OR5H1: variants seen among roughly 807,000 people sequenced by gnomAD.
OR5H1 encodes olfactory receptor family 5 subfamily H member 1.
For synonymous variants in OR5H1, 124 were observed against 134.4 expected, an observed-to-expected ratio of 0.92 and a Z score of 0.54; for missense variants, 378 against 366.8, an observed-to-expected ratio of 1.03 and a Z score of -0.25.
chr3:98,134,094 T>C lies in OR5H1; in HGVS notation c.*455T>C, dbSNP rs187691527. 283 of 158,808 alleles carry C rather than the reference T, an allele frequency of 1.8e-3. No homozygotes were observed. Among genetic ancestry groups the C allele is most frequent in the African/African-American group, 6.5e-3 (272 of 41,574 alleles). The allele number at this position is 158,808 out of a possible 1,614,324, so 9.8% of individuals were successfully genotyped here. Reference sequence around the variant, plus strand: ...ACCATCAAGGTCTTCCATTTCATTATATTAGGAAAGGGTGAATTCTGTTTC... The same window carrying C: ...ACCATCAAGGTCTTCCATTTCATTACATTAGGAAAGGGTGAATTCTGTTTC... On this transcript the variant is annotated 3_prime_UTR_variant, in exon 2 of 2. Coordinates refer to ENST00000641874, the MANE Select transcript of OR5H1 (RefSeq NM_001005338.2).
In OR5H1 at chr3:98,133,557, C is replaced by A. The variant is rs562175052; in HGVS notation, c.860C>A (p.Pro287His). The A allele has an allele frequency of 6.2e-7, 1 of 1,613,092 alleles. No homozygotes were observed. The highest frequency in any genetic ancestry group is 1.3e-5 in the African/African-American group (1 of 74,970). The change falls in exon 2 of 2, where the codon CCT becomes CAT. Residue 287 changes from proline to histidine, a missense_variant. Physicochemically the swap from Pro to His is moderately conservative, Grantham distance 77. Transcript: ENST00000641874. ...ACTGTCATCATTCCTTTGTTAAATCCTATCATCTACAGTCTGAGAAATAAG... is the reference window on the plus strand; with the variant it reads ...ACTGTCATCATTCCTTTGTTAAATCATATCATCTACAGTCTGAGAAATAAG... The part of the protein sequence containing the change: ...FYTVIIPLLN[P>H]IIYSLRNKQV...
rs75688383 is a variant in OR5H1 at position 98,133,052 on chromosome 3, G to A, written c.355G>A (p.Ala119Thr). ...TTECFLLATM[A>T]YDRYVAICKP... ...GGAATGTTTTCTCTTGGCAACGATG[G>A]CATATGATCGCTATGTAGCCATATG... The change falls in exon 2 of 2, where the codon GCA (alanine) becomes ACA (threonine). Residue 119 changes from alanine to threonine, a missense_variant. Coordinates refer to ENST00000641874, the MANE Select transcript of OR5H1 (RefSeq NM_001005338.2). 3.9e-3 allele frequency: 6,326 copies of A among 1,612,422 alleles called. 150 individuals carry two copies. In the African/African-American group the frequency reaches 0.057, roughly 15 times the overall value.
In OR5H1 at chr3:98,135,638, T is replaced by G. The variant is rs1438374228; in HGVS notation, c.*1999T>G. On this transcript the variant is annotated 3_prime_UTR_variant, in exon 2 of 2. Coordinates refer to ENST00000641874, the MANE Select transcript of OR5H1 (RefSeq NM_001005338.2). ...CTGGCACAGTGTAGTGGCTACAAAC[T>G]TGTATTTAAAACTCTTGAGAGAATA... 6.6e-6 allele frequency: 1 copy of G among 152,156 alleles called. No individual in the cohort carries two copies. Among genetic ancestry groups the G allele is most frequent in the Non-Finnish European group, 1.5e-5 (1 of 68,020 alleles). 9.4% of individuals were successfully genotyped at this position (152,156 alleles called of 1,614,324 possible). A position where few individuals can be genotyped will look rare whatever the true frequency, so the allele number is the denominator to read the frequency against.
rs1160769328 is a variant in OR5H1, at chr3:98,137,960, C to A, written c.*4321C>A. On this transcript the variant is annotated 3_prime_UTR_variant, in exon 2 of 2. Transcript: ENST00000641874. ...CATTAGACACAGCCAGTCATCGTTT[C>A]AAATTACTTTCTTGTTAACTACATT... is the stretch of plus-strand genomic sequence containing the variant. 1 of 152,082 alleles carries A rather than the reference C, an allele frequency of 6.6e-6. No homozygotes were observed. The highest frequency in any genetic ancestry group is 2.4e-5 in the African/African-American group (1 of 41,398). 9.4% of individuals were successfully genotyped at this position (152,082 alleles called of 1,614,324 possible).
chr3:98,131,262 T>A (rs1488653350), intron 1 of OR5H1, among the ~76,000 whole-genome samples: 3 of 152,038 alleles, frequency 2.0e-5, no homozygotes, highest in African/African-American at 7.2e-5. Context: ...AACTCCTGTA[T>A]CCTTACACTC....
In OR5H1 at chr3:98,137,791, G is replaced by C. The variant is rs1351776800; in HGVS notation, c.*4152G>C. On this transcript the variant is annotated 3_prime_UTR_variant, in exon 2 of 2. Transcript: ENST00000641874. The stretch of plus-strand genomic sequence containing the variant: ...AACTCTAAGGGTTTAATTTACCACA[G>C]AGAAGTGGGAAGGTATTTTTAAGTA... 6.6e-6 allele frequency: 1 copy of C among 152,144 alleles called. No individual in the cohort carries two copies. The highest frequency in any genetic ancestry group is 1.5e-5 in the Non-Finnish European group (1 of 68,014). 9.4% of individuals were successfully genotyped at this position (152,144 alleles called of 1,614,324 possible).
chr3:98,133,179 G>A lies in OR5H1; in HGVS notation c.482G>A (p.Gly161Glu). 1 of 1,613,022 alleles carries A rather than the reference G, an allele frequency of 6.2e-7. No homozygotes were observed. The highest frequency in any genetic ancestry group is 2.2e-5 in the East Asian group (1 of 44,822). Residue 161 changes from glycine (G) to glutamate (E), a missense_variant, in exon 2 of 2, where the codon GGA becomes GAA. Gly to Glu is a moderately conservative substitution (Grantham distance 98, BLOSUM62 -2). Coordinates refer to ENST00000641874, the MANE Select transcript of OR5H1 (RefSeq NM_001005338.2). The part of the protein sequence containing the change: ...GGILHALIHE[G>E]FLFRLTFCNS... ...ATTCTTCATGCTTTAATCCATGAAG[G>A]ATTTTTATTCAGACTAACCTTCTGT...
At chr3:98,131,377 A>G (rs960977300) in intron 1 of OR5H1, among the ~76,000 whole-genome samples, 1 of 151,712 alleles carries the variant, frequency 6.6e-6, no homozygotes, top group South Asian at 2.1e-4. Flanking sequence ...CCTTGAAACC[A>G]ATATCTTTTG....
At chr3:98,131,821 T>C (rs1708260285) in intron 1 of OR5H1, among the ~76,000 whole-genome samples, 2 of 152,066 alleles carry the variant, frequency 1.3e-5, no homozygotes, top group Admixed American at 1.3e-4. Flanking sequence ...ACCTGAGTTC[T>C]CAATGTTTAA....
rs538839222 is a variant in OR5H1 at position 98,136,856 on chromosome 3, A to C, written c.*3217A>C. 2 of 152,320 alleles carry C rather than the reference A, an allele frequency of 1.3e-5. No homozygotes were observed. Among genetic ancestry groups the C allele is most frequent in the Non-Finnish European group, 2.9e-5 (2 of 68,026 alleles). The allele number at this position is 152,320 out of a possible 1,614,324, so 9.4% of individuals were successfully genotyped here. On this transcript the variant is annotated 3_prime_UTR_variant, in exon 2 of 2. Coordinates refer to ENST00000641874, the MANE Select transcript of OR5H1 (RefSeq NM_001005338.2). ...AGTGAAGTAGGCTGAAGCTGTCATC[A>C]GAAGTGGACATTTAAGCCTTGTTTT... is the stretch of plus-strand genomic sequence containing the variant.
chr3:98,132,405 T>G (rs1292842118), intron 1 of OR5H1, among the ~76,000 whole-genome samples: 1 of 152,036 alleles, frequency 6.6e-6, no homozygotes, highest in African/African-American at 2.4e-5. Flanking sequence ...TCAAACAATT[T>G]TTCTACTGCA....
In OR5H1 at chr3:98,137,758, C is replaced by T. The variant is rs750901167; in HGVS notation, c.*4119C>T. 6.6e-6 allele frequency: 1 copy of T among 152,102 alleles called. No homozygotes were observed. Among genetic ancestry groups the T allele is most frequent in the Admixed American group, 6.5e-5 (1 of 15,276 alleles). The allele number at this position is 152,102 out of a possible 1,614,324, so 9.4% of individuals were successfully genotyped here. On this transcript the variant is annotated 3_prime_UTR_variant, in exon 2 of 2. Transcript: ENST00000641874. ...CAATGACTATTGATAATTTAATCAA[C>T]TGTGTGAAACTCTAAGGGTTTAATT...
rs1323074141 is a variant in OR5H1 at position 98,134,555 on chromosome 3, T to C, written c.*916T>C. ...CCTGTCATGTAAGTTCAAATAATGT[T>C]AACATGATACGACATCATGGTGCCC... On this transcript the variant is annotated 3_prime_UTR_variant, in exon 2 of 2. Transcript: ENST00000641874. 1 of 152,040 alleles carries C rather than the reference T, an allele frequency of 6.6e-6. No individual in the cohort carries two copies. The highest frequency in any genetic ancestry group is 2.4e-5 in the African/African-American group (1 of 41,416). 9.4% of individuals were successfully genotyped at this position (152,040 alleles called of 1,614,324 possible). A position where few individuals can be genotyped will look rare whatever the true frequency, so the allele number is the denominator to read the frequency against.
In OR5H1 at chr3:98,137,475, C is replaced by T. The variant is rs552382867; in HGVS notation, c.*3836C>T. 6.6e-6 allele frequency: 1 copy of T among 152,150 alleles called. No individual in the cohort carries two copies. Among genetic ancestry groups the T allele is most frequent in the Admixed American group, 6.5e-5 (1 of 15,280 alleles). 9.4% of individuals were successfully genotyped at this position (152,150 alleles called of 1,614,324 possible). ...GTAACTTTCTTTTCTGGGATAGAAG[C>T]GATTGACAAATATACATCACACCGG... On this transcript the variant is annotated 3_prime_UTR_variant, in exon 2 of 2. Coordinates refer to ENST00000641874, the MANE Select transcript of OR5H1 (RefSeq NM_001005338.2).
intron 1 of OR5H1, among the ~76,000 whole-genome samples, chr3:98,132,339 A>C (rs890856252): frequency 6.6e-6 from 1 of 152,064 alleles, no homozygotes; most frequent in Non-Finnish European, 1.5e-5. Flanking sequence ...TATTTTATTT[A>C]TTTTTAATTC....
intron 1 of OR5H1, among the ~76,000 whole-genome samples, chr3:98,131,320 G>A (rs1489458867): frequency 6.6e-6 from 1 of 151,846 alleles, no homozygotes; most frequent in African/African-American, 2.4e-5. Context: ...TTGTTGATGT[G>A]AATAAAGGTT....
In OR5H1 at chr3:98,133,661, A is replaced by T; in HGVS notation, c.*22A>T. 1 of 1,557,504 alleles carries T rather than the reference A, an allele frequency of 6.4e-7. No individual in the cohort carries two copies. The highest frequency in any genetic ancestry group is 8.7e-7 in the Non-Finnish European group (1 of 1,145,494). ...CTAATATCCTTTCTCTAATTACAAA[A>T]ATAGTCACAAAATTATGCAAGTTAG... On this transcript the variant is annotated 3_prime_UTR_variant, in exon 2 of 2. Transcript: ENST00000641874.
At position 98,133,490 on chromosome 3, in the gene OR5H1, C is replaced by T. The variant is rs1447536210; in HGVS notation, c.793C>T (p.Pro265Ser). ...LLFIYVGPAS[P>S]QADDQDMVEP... Reference sequence around the variant, plus strand: ...CTTCATTTATGTGGGCCCTGCATCTCCGCAAGCAGATGATCAAGATATGGT... The same window carrying T: ...CTTCATTTATGTGGGCCCTGCATCTTCGCAAGCAGATGATCAAGATATGGT... The change falls in exon 2 of 2, where the codon CCG becomes TCG. Residue 265 changes from proline to serine, a missense_variant. By Grantham distance (74) the Pro-to-Ser change is moderately conservative (BLOSUM62 -1). Coordinates refer to ENST00000641874, the MANE Select transcript of OR5H1 (RefSeq NM_001005338.2). 3 of 1,613,418 alleles carry T rather than the reference C, an allele frequency of 1.9e-6. No homozygotes were observed. The highest frequency in any genetic ancestry group is 2.5e-6 in the Non-Finnish European group (3 of 1,179,656).
Position 98,133,559 on chromosome 3 carries a change from A to G in OR5H1, c.862A>G (p.Ile288Val), listed in dbSNP as rs1369805058. The part of the protein sequence containing the change: ...YTVIIPLLNP[I>V]IYSLRNKQVT... ...TGTCATCATTCCTTTGTTAAATCCT[A>G]TCATCTACAGTCTGAGAAATAAGCA... The change falls in exon 2 of 2, where the codon ATC becomes GTC. Residue 288 changes from isoleucine (I) to valine (V), a missense_variant. Transcript: ENST00000641874. 9 of 1,613,052 alleles carry G rather than the reference A, an allele frequency of 5.6e-6. No homozygotes were observed. Among genetic ancestry groups the G allele is most frequent in the East Asian group, 2.2e-5 (1 of 44,862 alleles).
Sources: gnomAD v4.1 joint callset for allele counts (sites outside exome capture counted in the v4.1 genomes callset) on GRCh38, gnomAD v4.1.1 for gene constraint, MANE v1.5 for transcripts, NCBI Gene and HGNC (gene_info 2026-07-23, HGNC 2026-07-21) for gene names.